Variants in ARHGAP11A observed in about 807,000 individuals in gnomAD.
ARHGAP11A encodes rho GTPase-activating protein 11A.
In ARHGAP11A, 36 loss-of-function variants were observed where a neutral mutation model predicts 60.5. The observed-to-expected ratio is 0.59, with a 90% CI of 0.46 to 0.79. ARHGAP11A has a LOEUF of 0.79. Ranked by LOEUF, ARHGAP11A falls within the 30% of genes least tolerant of loss-of-function variation. The pLI is 0.00. For synonymous variants in ARHGAP11A, 362 were observed against 415.5 expected (o/e 0.87, Z 1.57); for missense variants, 1,071 against 1,199.2 (o/e 0.89, Z 1.58).
At position 32,631,528 on chromosome 15, in the gene ARHGAP11A, G is replaced by A. The variant is rs990587233; in HGVS notation, c.1106-1451G>A. Among the ~76,000 whole-genome samples the A allele has an allele frequency of 5.9e-5, 9 of 152,138 alleles. 1 individual carries two copies. Among genetic ancestry groups the A allele is most frequent in the South Asian group, 4.2e-4 (2 of 4,814 alleles). On this transcript the variant is annotated intron_variant, in intron 8 of 11. Transcript: ENST00000361627. ...TTGGCCAGGCTGGTCTTGAACTCCC[G>A]ACATTAGCTGATCAACCTGCCTTGG...
rs1412400663 is a variant in ARHGAP11A, at chr15:32,637,503, G to A, written c.2730G>A (p.Glu910=). The A allele has an allele frequency of 1.9e-6, 3 of 1,613,894 alleles. No individual in the cohort carries two copies. The highest frequency in any genetic ancestry group is 2.2e-5 in the South Asian group (2 of 91,052). Residue 910 remains glutamate, a synonymous_variant, in exon 12 of 12, where the codon GAG becomes GAA. Coordinates refer to ENST00000361627, the MANE Select transcript of ARHGAP11A (RefSeq NM_014783.6). The stretch of plus-strand genomic sequence containing the variant: ...AACAGAAGTCCATGTCATGTGAAGA[G>A]TCAAATATTGGTGCAATTTCAAAGT... ...PKEQKSMSCE[E]SNIGAISKSS...
chr15:32,619,338 T>TCA (rs1282236007), intron 1 of ARHGAP11A, among the ~76,000 whole-genome samples: 43 of 152,362 alleles, frequency 2.8e-4, no homozygotes, highest in Non-Finnish European at 2.6e-4. Flanking sequence ...CGACACATTT[T>TCA]TAAGAGGTTC....
chr15:32,638,700 C>T lies in ARHGAP11A; in HGVS notation c.*855C>T, dbSNP rs2053782070. On this transcript the variant is annotated 3_prime_UTR_variant, in exon 12 of 12. Transcript: ENST00000361627. ...TAGGTGTACCTTGTGTTCACTCGAA[C>T]TAAGAACAATGGTTAAGGCAGAATA... 1 of 152,450 alleles carries T rather than the reference C, an allele frequency of 6.6e-6. No homozygotes were observed. Among genetic ancestry groups the T allele is most frequent in the Non-Finnish European group, 1.5e-5 (1 of 68,010 alleles). 9.4% of individuals were successfully genotyped at this position (152,450 alleles called of 1,614,324 possible). A position where few individuals can be genotyped will look rare whatever the true frequency, so the allele number is the denominator to read the frequency against.
At chr15:32,632,349 T>C (rs2053604256) in intron 8 of ARHGAP11A, among the ~76,000 whole-genome samples, 1 of 152,210 alleles carries the variant, frequency 6.6e-6, no homozygotes, top group Non-Finnish European at 1.5e-5. Context: ...CAGTAATTAT[T>C]TGCATGGAAC....
chr15:32,637,693 G>C lies in ARHGAP11A; in HGVS notation c.2920G>C (p.Val974Leu). The C allele has an allele frequency of 6.2e-7, 1 of 1,614,140 alleles. No homozygotes were observed. The highest frequency in any genetic ancestry group is 1.1e-5 in the South Asian group (1 of 91,082). The stretch of plus-strand genomic sequence containing the variant: ...GACTAATCATGATATAGTAAAACCA[G>C]TTGTAAATAACAACATGGGCATTTC... ...DLTNHDIVKP[V>L]VNNNMGISSG... Residue 974 changes from valine to leucine, a missense_variant, in exon 12 of 12, where the codon GTT (valine) becomes CTT (leucine). This residue lies in a region of ARHGAP11A where 776 missense variants were observed against 760.2 expected (regional missense o/e 1.02). Coordinates refer to ENST00000361627, the MANE Select transcript of ARHGAP11A (RefSeq NM_014783.6).
chr15:32,626,930 A>G (rs2140458471), intron 6 of ARHGAP11A, among the ~76,000 whole-genome samples: 1 of 152,306 alleles, frequency 6.6e-6, no homozygotes, highest in South Asian at 2.1e-4. Flanking sequence ...TAAAGACACG[A>G]ATTCCAAGTA....
intron 6 of ARHGAP11A, among the ~76,000 whole-genome samples, chr15:32,626,591 T>C (rs1407470024): frequency 4.0e-5 from 6 of 150,030 alleles, no homozygotes; most frequent in African/African-American, 7.3e-5. Context: ...TGATGACTTA[T>C]GTATGATTTT....
chr15:32,627,155 G>A (rs866113579), intron 6 of ARHGAP11A, among the ~76,000 whole-genome samples: 1 of 151,690 alleles, frequency 6.6e-6, no homozygotes, highest in African/African-American at 2.4e-5. Flanking sequence ...CTGTACCACC[G>A]TTATCTTGAA....
At chr15:32,625,787 A>G (rs1156338000) in intron 6 of ARHGAP11A, among the ~76,000 whole-genome samples, 154 bp downstream of exon 6, 2 of 152,248 alleles carry the variant, frequency 1.3e-5, no homozygotes, top group Non-Finnish European at 2.9e-5. Context: ...TTAAAGCGAT[A>G]GTACAATCTA....
chr15:32,623,333 C>G (rs2053381516), intron 2 of ARHGAP11A, among the ~76,000 whole-genome samples, 159 bp from the exon 3 acceptor site: 1 of 152,146 alleles, frequency 6.6e-6, no homozygotes, highest in Non-Finnish European at 1.5e-5. Context: ...TTTGGGAAGC[C>G]AGTAGACAAC....
In ARHGAP11A at chr15:32,638,769, T is replaced by A. The variant is rs2053783182; in HGVS notation, c.*924T>A. The A allele has an allele frequency of 6.6e-6, 1 of 152,664 alleles. No homozygotes were observed. The highest frequency in any genetic ancestry group is 2.4e-5 in the African/African-American group (1 of 41,462). 9.5% of individuals were successfully genotyped at this position (152,664 alleles called of 1,614,324 possible). A position where few individuals can be genotyped will look rare whatever the true frequency, so the allele number is the denominator to read the frequency against. ...TATATTATGATGTGGAAATAATTGA[T>A]AACTTTTAAGCCATACTATGTTTTT... On this transcript the variant is annotated 3_prime_UTR_variant, in exon 12 of 12. Coordinates refer to ENST00000361627, the MANE Select transcript of ARHGAP11A (RefSeq NM_014783.6).
At chr15:32,631,146 CCTA>C (rs1212265012) in intron 8 of ARHGAP11A, among the ~76,000 whole-genome samples, 1 of 151,994 alleles carries the variant, frequency 6.6e-6, no homozygotes, top group Non-Finnish European at 1.5e-5. Flanking sequence ...TTTCTTTGAC[CCTA>C]CTTTCTCAGC....
rs374567702 is a variant in ARHGAP11A, at chr15:32,616,351, T to C, written c.129+11T>C. The C allele has an allele frequency of 2.2e-4, 354 of 1,613,400 alleles. 2 individuals are homozygous for C. The African/African-American group carries it at 4.6e-3, about 21-fold the overall frequency. Reference sequence around the variant, plus strand: ...GCCACGGAAATAGGGGTAAGTTCTGTGAAAAGGGATTTAGGTTTAAAAGAA... The same window carrying C: ...GCCACGGAAATAGGGGTAAGTTCTGCGAAAAGGGATTTAGGTTTAAAAGAA... On this transcript the variant is annotated intron_variant, in intron 1 of 11. Transcript: ENST00000361627.
chr15:32,634,419 G>A (rs897331544), intron 10 of ARHGAP11A, among the ~76,000 whole-genome samples: 33 of 152,304 alleles, frequency 2.2e-4, no homozygotes, highest in African/African-American at 7.9e-4. Flanking sequence ...GAATGCTCCA[G>A]TGAGCATTTT....
At chr15:32,619,068 A>C (rs1391240950) in intron 1 of ARHGAP11A, among the ~76,000 whole-genome samples, 1 of 152,204 alleles carries the variant, frequency 6.6e-6, no homozygotes, top group Non-Finnish European at 1.5e-5. Context: ...GGTGCTTGAA[A>C]GGGAATTAGT....
At chr15:32,623,453 A>G (rs1176142256) in intron 2 of ARHGAP11A, 39 bp from the exon 3 acceptor site, 1 of 1,569,078 alleles carries the variant, frequency 6.4e-7, no homozygotes, top group East Asian at 2.2e-5. Flanking sequence ...ATAGGATGTG[A>G]TATGTATGTC....
In ARHGAP11A at chr15:32,633,247, A is replaced by G. The variant is rs192653711; in HGVS notation, c.1235+139A>G. On this transcript the variant is annotated intron_variant, in intron 9 of 11. Coordinates refer to ENST00000361627, the MANE Select transcript of ARHGAP11A (RefSeq NM_014783.6). ...TCCCTTCTGCCTTTATAGTCTTATT[A>G]ATCAATTGCCTTTTCAATACCCACC... The G allele has an allele frequency of 2.9e-4, 270 of 938,996 alleles. No homozygotes were observed. In the African/African-American group the frequency reaches 4.2e-3, roughly 15 times the overall value. The allele number at this position is 938,996 out of a possible 1,614,324, so 58.2% of individuals were successfully genotyped here.
intron 2 of ARHGAP11A, 116 bp from the exon 3 acceptor site, chr15:32,623,376 G>A (rs1322917471): frequency 1.2e-6 from 1 of 866,818 alleles, no homozygotes; most frequent in East Asian, 2.8e-5. Context: ...AGACTACAGA[G>A]ATTTGTGGCT....
At chr15:32,621,948 A>C (rs1190157219) in intron 2 of ARHGAP11A, among the ~76,000 whole-genome samples, 2 of 152,310 alleles carry the variant, frequency 1.3e-5, no homozygotes, top group Non-Finnish European at 2.9e-5. Context: ...CCAATAATCT[A>C]GGTTTTAATT....
Sources: allele counts gnomAD v4.1 joint callset (sites outside exome capture counted in the v4.1 genomes callset), GRCh38; gene constraint gnomAD v4.1.1; regional missense constraint gnomAD v4.1.1; transcripts MANE v1.5; gene names NCBI Gene and HGNC (gene_info 2026-07-23, HGNC 2026-07-21).